The following SATB2 variants were observed in gnomAD, a reference collection of about 807,000 sequenced individuals.
The protein encoded by SATB2 is SATB homeobox 2.
SATB2 carries 1 observed loss-of-function variant against 73.4 expected under a neutral mutation model. The observed-to-expected ratio is 0.01, with a 90% CI of 0.00 to 0.06. The LOEUF is 0.06. Ranked by LOEUF, SATB2 falls within the 10% of genes least tolerant of loss-of-function variation. The pLI is 1.00. For missense variants in SATB2, 459 were observed against 945.8 expected (o/e 0.49, Z 6.75); for synonymous variants, 397 against 367.0 (o/e 1.08, Z -0.93).
chr2:199,289,561 C>T (rs187954402), intron 10 of SATB2, among the ~76,000 whole-genome samples: 123 of 152,320 alleles, frequency 8.1e-4, no homozygotes, highest in African/African-American at 2.9e-3. Context: ...TATTTGCTTA[C>T]CCTGTGTAGG....
intron 3 of SATB2, chr2:199,423,621 AC>A (rs1303816432): frequency 5.3e-5 from 8 of 152,044 alleles, no homozygotes; most frequent in African/African-American, 1.9e-4. Context: ...AAGTCTCTTC[AC>A]CCCCTTAAGG....
chr2:199,415,749 G>A (rs894514156), intron 3 of SATB2, among the ~76,000 whole-genome samples: 9 of 152,186 alleles, frequency 5.9e-5, no homozygotes, highest in Admixed American at 1.3e-4. Context: ...CTGTGGCCAC[G>A]CAAAGCTCTA....
intron 10 of SATB2, among the ~76,000 whole-genome samples, chr2:199,298,527 G>C (rs1687185312): frequency 2.0e-5 from 3 of 152,138 alleles, no homozygotes; most frequent in Admixed American, 2.0e-4. Flanking sequence ...TTTTAAGTAA[G>C]ACAGTCCAAA....
In SATB2 at chr2:199,349,153, T is replaced by G. The variant is rs757833654; in HGVS notation, c.721A>C (p.Asn241His). The G allele has an allele frequency of 6.2e-7, 1 of 1,613,510 alleles. No individual in the cohort carries two copies. The highest frequency in any genetic ancestry group is 8.5e-7 in the Non-Finnish European group (1 of 1,179,666). ...KIKVERVERE[N>H]LSDYCVLGQR... ...CCCAGAACACAATAGTCTGAAAGGT[T>G]TTCTCGTTCCACTCTTTCCACTGTT... is the stretch of plus-strand genomic sequence containing the variant. Residue 241 changes from asparagine to histidine, a missense_variant, in exon 7 of 11, where the codon AAC (asparagine) becomes CAC (histidine). Physicochemically the swap from Asn to His is moderately conservative, Grantham distance 68. Coordinates refer to ENST00000417098, the MANE Select transcript of SATB2 (RefSeq NM_001172509.2).
chr2:199,409,112 T>C (rs1422713080), intron 3 of SATB2, among the ~76,000 whole-genome samples: 23 of 152,060 alleles, frequency 1.5e-4, no homozygotes, highest in Admixed American at 1.5e-3. Context: ...TAAATAATAA[T>C]TAGAAAGCTG....
intron 3 of SATB2, among the ~76,000 whole-genome samples, chr2:199,410,126 G>A (rs1042114157): frequency 1.6e-4 from 25 of 152,250 alleles, no homozygotes; most frequent in Admixed American, 9.2e-4. Flanking sequence ...CTATTTGAGG[G>A]ATCTTAAAAG....
At position 199,325,308 on chromosome 2, in the gene SATB2, T is replaced by C. The variant is rs372259332; in HGVS notation, c.1387-1350A>G. The C allele has an allele frequency of 3.9e-5, 6 of 152,278 alleles. No homozygotes were observed. In the East Asian group the frequency reaches 1.2e-3, roughly 29 times the overall value. The allele number at this position is 152,278 out of a possible 1,614,324, so 9.4% of individuals were successfully genotyped here. ...GAGTTAGATATTATTATTTTCATCT[T>C]ACAGATGAAGAAACTGAAATAAAAG... On this transcript the variant is annotated intron_variant, in intron 8 of 10. Coordinates refer to ENST00000417098, the MANE Select transcript of SATB2 (RefSeq NM_001172509.2).
intron 3 of SATB2, among the ~76,000 whole-genome samples, chr2:199,420,631 G>A (rs1255589339): frequency 1.3e-5 from 2 of 152,114 alleles, no homozygotes; most frequent in Non-Finnish European, 2.9e-5. Flanking sequence ...TATCTGCCAA[G>A]AGACTCAGAC....
chr2:199,339,395 T>C (rs536688635), intron 7 of SATB2, among the ~76,000 whole-genome samples: 1 of 152,336 alleles, frequency 6.6e-6, no homozygotes, highest in South Asian at 2.1e-4. Flanking sequence ...AAAGACTGTT[T>C]ATTTTATGAA....
intron 2 of SATB2, among the ~76,000 whole-genome samples, chr2:199,453,114 T>C (rs1241285079): frequency 6.6e-6 from 1 of 152,102 alleles, no homozygotes; most frequent in Non-Finnish European, 1.5e-5. Context: ...TCTACCTAAA[T>C]AAGTAGAGTA....
At chr2:199,468,509 T>G (rs1176638272), upstream of SATB2, among the ~76,000 whole-genome samples, 3 of 152,264 alleles carry the variant, frequency 2.0e-5, no homozygotes, top group East Asian at 5.8e-4. Context: ...CTGTGGGGAA[T>G]CTTGCAGTGA....
At chr2:199,399,167 G>A (rs1351613363) in intron 3 of SATB2, among the ~76,000 whole-genome samples, 1 of 152,344 alleles carries the variant, frequency 6.6e-6, no homozygotes, top group South Asian at 2.1e-4. Flanking sequence ...ATCTACTCGG[G>A]AGGCTGAGGT....
At chr2:199,360,947 CT>C (rs1301885391) in intron 6 of SATB2, among the ~76,000 whole-genome samples, 1 of 152,062 alleles carries the variant, frequency 6.6e-6, no homozygotes, top group Non-Finnish European at 1.5e-5. Context: ...ACACTTCCCC[CT>C]GGTAACTCAT....
intron 3 of SATB2, among the ~76,000 whole-genome samples, chr2:199,398,539 A>G (rs1690372286): frequency 1.3e-5 from 2 of 152,172 alleles, no homozygotes; most frequent in Non-Finnish European, 1.5e-5. Context: ...CCTCCCCTAC[A>G]GTATAAAGTT....
At chr2:199,465,249 AAG>A (rs1225199927), upstream of SATB2, 1 of 152,224 alleles carries the variant, frequency 6.6e-6, no homozygotes, top group Non-Finnish European at 1.5e-5. Context: ...GCTTTGAGTG[AAG>A]AGTTTTCAAA....
intron 2 of SATB2, among the ~76,000 whole-genome samples, chr2:199,441,377 T>A (rs986427530): frequency 3.3e-5 from 5 of 152,168 alleles, no homozygotes; most frequent in Admixed American, 1.3e-4. Context: ...CTTTACAATA[T>A]ATTGAATATT....
chr2:199,274,097 A>C (rs1465905204), intron 10 of SATB2, among the ~76,000 whole-genome samples: 1 of 152,242 alleles, frequency 6.6e-6, no homozygotes, highest in Non-Finnish European at 1.5e-5. Context: ...TTTTAAGAAG[A>C]GTGAGTTCAC....
At chr2:199,367,550 C>T (rs566590547) in intron 6 of SATB2, among the ~76,000 whole-genome samples, 1 of 152,208 alleles carries the variant, frequency 6.6e-6, no homozygotes, top group Admixed American at 6.5e-5. Context: ...TCCTGTCTCC[C>T]CTGAGAAAAT....
chr2:199,462,780 G>T (rs1692506016), upstream of SATB2, among the ~76,000 whole-genome samples: 1 of 152,130 alleles, frequency 6.6e-6, no homozygotes, highest in Admixed American at 6.5e-5. This position sits in a 1 kb window ranked among gnomAD's most constrained non-coding sequence, Gnocchi z 5.9. Flanking sequence ...ATACGCCTCA[G>T]AGGGACGACT....
Sources: allele counts gnomAD v4.1 joint callset (sites outside exome capture counted in the v4.1 genomes callset), GRCh38; gene constraint gnomAD v4.1.1; non-coding constraint Gnocchi (gnomAD v3.1); transcripts MANE v1.5; gene names NCBI Gene and HGNC (gene_info 2026-07-23, HGNC 2026-07-21).